The following L3MBTL3 variants were observed in gnomAD, a reference collection of about 807,000 sequenced individuals.
The protein encoded by L3MBTL3 is L3MBTL histone methyl-lysine binding protein 3.
L3MBTL3 carries 27 observed loss-of-function variants against 102.3 expected under a neutral mutation model. The ratio of observed to expected loss-of-function variants is 0.26; its 90% CI spans 0.19 to 0.36. The LOEUF (loss-of-function observed/expected upper bound fraction) is 0.36. Among genes scored for constraint, L3MBTL3 ranks in the 10% least tolerant of loss-of-function variants. The pLI is 1.00. For missense variants in L3MBTL3, 798 were observed against 955.3 expected, an observed-to-expected ratio of 0.84 and a Z score of 2.17; for synonymous variants, 340 against 320.9, an observed-to-expected ratio of 1.06 and a Z score of -0.64.
chr6:130,027,937 T>TA (rs971678329), intron 2 of L3MBTL3, among the ~76,000 whole-genome samples: 9 of 152,272 alleles, frequency 5.9e-5, no homozygotes, highest in Middle Eastern at 3.4e-3. Context: ...GCTAGCACTT[T>TA]AAAAAATATG....
At chr6:130,097,827 G>A (rs953059835) in intron 18 of L3MBTL3, among the ~76,000 whole-genome samples, 6 of 152,148 alleles carry the variant, frequency 3.9e-5, no homozygotes, top group Admixed American at 2.0e-4. Flanking sequence ...CAGCACTTTG[G>A]GAGGCCAAGG....
At chr6:130,021,290 G>A (rs146657410) in intron 1 of L3MBTL3, among the ~76,000 whole-genome samples, 1 of 152,330 alleles carries the variant, frequency 6.6e-6, no homozygotes, top group Non-Finnish European at 1.5e-5. Context: ...TCGTAGCTAC[G>A]TAGTCCGTTC....
chr6:130,098,754 C>T (rs950450650), intron 18 of L3MBTL3, among the ~76,000 whole-genome samples: 35 of 151,660 alleles, frequency 2.3e-4, no homozygotes, highest in African/African-American at 8.2e-4. Context: ...TGTACATTGG[C>T]GGAATCAGAA....
At chr6:130,121,020 C>T (rs1786138857) in intron 20 of L3MBTL3, 62 bp downstream of exon 20, 3 of 1,010,622 alleles carry the variant, frequency 3.0e-6, no homozygotes, top group South Asian at 1.4e-5. Flanking sequence ...CAATCAAAGC[C>T]TTAACTGGAA....
At position 130,049,492 on chromosome 6, in the gene L3MBTL3, G is replaced by A. The variant is rs1470347287; in HGVS notation, c.214+99G>A. 4.9e-6 allele frequency: 4 copies of A among 811,736 alleles called. No homozygotes were observed. The East Asian group carries it at 1.1e-4, about 22-fold the overall frequency. The allele number at this position is 811,736 out of a possible 1,614,324, so 50.3% of individuals were successfully genotyped here. A position where few individuals can be genotyped will look rare whatever the true frequency, so the allele number is the denominator to read the frequency against. On this transcript the variant is annotated intron_variant, in intron 4 of 22. Coordinates refer to ENST00000361794, the MANE Select transcript of L3MBTL3 (RefSeq NM_032438.4). The stretch of plus-strand genomic sequence containing the variant: ...TAGGCTGGAACTTTGAAGGCCCCGG[G>A]TAATTTTTGTGCCTCATGTTGTTAG...
At chr6:130,071,258 T>A in intron 13 of L3MBTL3, 131 bp downstream of exon 13, 1 of 757,864 alleles carries the variant, frequency 1.3e-6, no homozygotes. Context: ...TGTTACAGAT[T>A]TTTAATTTTT....
rs527432277 is a variant in L3MBTL3, at chr6:130,121,471, A to C, written c.1966+513A>C. ...GGTTAACTTATTCTTTTTTGCAGGC[A>C]GCAAAAGTTTATTGTTTAGTATCAA... On this transcript the variant is annotated intron_variant, in intron 20 of 22. Transcript: ENST00000361794. 4.3e-4 allele frequency among the ~76,000 whole-genome samples: 65 copies of C among 152,300 alleles called. No individual in the cohort carries two copies. In the East Asian group the frequency reaches 7.1e-3, roughly 17 times the overall value.
At chr6:130,055,504 C>A in intron 8 of L3MBTL3, among the ~76,000 whole-genome samples, 1 of 138,312 alleles carries the variant, frequency 7.2e-6, no homozygotes, top group Non-Finnish European at 1.6e-5. Context: ...CCCTCCCTCT[C>A]TCCCTGCCTC....
intron 19 of L3MBTL3, among the ~76,000 whole-genome samples, chr6:130,119,626 T>A (rs373556817): frequency 6.6e-6 from 1 of 152,010 alleles, no homozygotes; most frequent in East Asian, 1.9e-4. Context: ...GAAAAAAAAA[T>A]AATGATTCTC....
chr6:130,079,873 T>A (rs1366427125), intron 14 of L3MBTL3, among the ~76,000 whole-genome samples: 1 of 152,174 alleles, frequency 6.6e-6, no homozygotes, highest in African/African-American at 2.4e-5. Context: ...TTTTCTCATA[T>A]AATAAAGGGA....
At chr6:130,054,213 AAAGG>A (rs1382723832) in intron 7 of L3MBTL3, among the ~76,000 whole-genome samples, 1 of 152,202 alleles carries the variant, frequency 6.6e-6, no homozygotes, top group African/African-American at 2.4e-5. Context: ...CGAGGAAATA[AAAGG>A]AAGTCTGGTC....
At chr6:130,037,047 G>GT (rs1443182338) in intron 2 of L3MBTL3, among the ~76,000 whole-genome samples, 1 of 151,876 alleles carries the variant, frequency 6.6e-6, no homozygotes, top group African/African-American at 2.4e-5. Context: ...TAAAATCCCT[G>GT]TTTTTCTGAA....
At chr6:130,056,695 T>G (rs1046462300) in intron 8 of L3MBTL3, among the ~76,000 whole-genome samples, 9 of 152,266 alleles carry the variant, frequency 5.9e-5, no homozygotes, top group Non-Finnish European at 1.3e-4. Flanking sequence ...TGCCCTTCTT[T>G]TTCACCTCAG....
At chr6:130,080,664 GAAAAA>G (rs372224258) in intron 14 of L3MBTL3, among the ~76,000 whole-genome samples, 1 of 146,282 alleles carries the variant, frequency 6.8e-6, no homozygotes, top group African/African-American at 2.5e-5. Context: ...CAGTCGAAGA[GAAAAA>G]AAAAATAGCT....
At position 130,108,245 on chromosome 6, in the gene L3MBTL3, T is replaced by G. The variant is rs1244833612; in HGVS notation, c.1886+3670T>G. Among the ~76,000 whole-genome samples, 13 of 143,234 alleles carry G rather than the reference T, an allele frequency of 9.1e-5. No homozygotes were observed. In the South Asian group the frequency reaches 1.1e-3, roughly 13 times the overall value. The allele number at this position is 143,234 out of a possible 152,430, so 94.0% of individuals were successfully genotyped here. A position where few individuals can be genotyped will look rare whatever the true frequency, so the allele number is the denominator to read the frequency against. ...GTTTTTTTTTTGTTTTTTTTTTTTT[T>G]TTTTTTTTAGATGGAGTCTTGCTCT... is the stretch of plus-strand genomic sequence containing the variant. On this transcript the variant is annotated intron_variant, in intron 19 of 22. Coordinates refer to ENST00000361794, the MANE Select transcript of L3MBTL3 (RefSeq NM_032438.4).
chr6:130,101,825 A>G (rs6941702), intron 18 of L3MBTL3, among the ~76,000 whole-genome samples: 149,697 of 152,310 alleles, frequency 0.98, 73,625 homozygotes, highest in Middle Eastern at 1. Context: ...ACCTGCATCC[A>G]TGAACTCTGA....
chr6:130,058,774 G>A (rs954476365), intron 9 of L3MBTL3, among the ~76,000 whole-genome samples: 1 of 152,190 alleles, frequency 6.6e-6, no homozygotes, highest in African/African-American at 2.4e-5. Context: ...CAGTAAGATT[G>A]TTTACAAAAA....
rs1778770157 is a variant in L3MBTL3 at position 130,019,282 on chromosome 6, AGCGCGGCCGCCGAGGCGGGGG to A, written c.-95+623_-95+643del. ...CCGCGGAGCCGCAGCCCAGGCGGCG[AGCGCGGCCGCCGAGGCGGGGG>A]GCGCCGGCGGGGGGCGCGGGGGCGG... On this transcript the variant is annotated intron_variant, in intron 1 of 22. Transcript: ENST00000361794. The A allele has an allele frequency of 8.0e-5, 10 of 125,406 alleles. No homozygotes were observed. The South Asian group carries it at 2.0e-3, about 25-fold the overall frequency. The allele number at this position is 125,406 out of a possible 1,614,324, so 7.8% of individuals were successfully genotyped here.
intron 11 of L3MBTL3, among the ~76,000 whole-genome samples, chr6:130,067,711 T>A (rs1782354548): frequency 1.3e-5 from 2 of 152,244 alleles, no homozygotes; most frequent in Admixed American, 1.3e-4. Flanking sequence ...CTTTCTGGAC[T>A]TTAATGAATG....
Sources: gnomAD v4.1 joint callset for allele counts (sites outside exome capture counted in the v4.1 genomes callset) on GRCh38, gnomAD v4.1.1 for gene constraint, MANE v1.5 for transcripts, NCBI Gene and HGNC (gene_info 2026-07-23, HGNC 2026-07-21) for gene names.